Variants in CLMN observed in about 807,000 individuals in gnomAD.
The protein encoded by CLMN is calmin.
A neutral mutation model predicts 92.7 loss-of-function variants in CLMN; 57 were observed. The observed-to-expected ratio is 0.61, with a 90% CI of 0.50 to 0.77. The LOEUF is 0.77. Among genes scored for constraint, CLMN ranks in the 30% least tolerant of loss-of-function variants. CLMN has a pLI of 0.00. For missense variants in CLMN, 1,158 were observed against 1,237.5 expected, an observed-to-expected ratio of 0.94 and a Z score of 0.96; for synonymous variants, 466 against 470.6, an observed-to-expected ratio of 0.99 and a Z score of 0.13.
chr14:95,261,980 G>A (rs1296881848), intron 1 of CLMN, among the ~76,000 whole-genome samples: 1 of 152,234 alleles, frequency 6.6e-6, no homozygotes, highest in East Asian at 1.9e-4. Flanking sequence ...GCGGCAGCTT[G>A]GCTCTGGGCT....
intron 1 of CLMN, among the ~76,000 whole-genome samples, chr14:95,311,313 G>A (rs1901527474): frequency 6.6e-6 from 1 of 152,116 alleles, no homozygotes; most frequent in South Asian, 2.1e-4. Context: ...AAAGGAGAGG[G>A]TTATAAATAT....
intron 12 of CLMN, among the ~76,000 whole-genome samples, chr14:95,193,607 T>C (rs1217859845): frequency 1.3e-5 from 2 of 152,236 alleles, no homozygotes; most frequent in Non-Finnish European, 2.9e-5. Context: ...GACCCGTCTT[T>C]AAACTGACTC....
intron 1 of CLMN, among the ~76,000 whole-genome samples, chr14:95,239,338 G>A (rs1898166995): frequency 6.6e-6 from 1 of 152,144 alleles, no homozygotes; most frequent in African/African-American, 2.4e-5. Flanking sequence ...GAAGGAAGGA[G>A]ATGGGTAAGA....
chr14:95,220,469 G>A (rs190619879), intron 4 of CLMN, among the ~76,000 whole-genome samples: 8 of 152,252 alleles, frequency 5.3e-5, no homozygotes, highest in South Asian at 2.1e-4. Context: ...GAGCCACCGC[G>A]CCCAGCCATC....
chr14:95,291,400 G>C (rs1040596238), intron 1 of CLMN, among the ~76,000 whole-genome samples: 1 of 152,222 alleles, frequency 6.6e-6, no homozygotes, highest in Non-Finnish European at 1.5e-5. Flanking sequence ...ACCTGGGACC[G>C]CATGCTGCCT....
intron 4 of CLMN, among the ~76,000 whole-genome samples, chr14:95,220,622 T>C (rs183170380): frequency 1.2e-3 from 188 of 152,154 alleles, no homozygotes; most frequent in African/African-American, 4.5e-3. Flanking sequence ...TGCCTGGGAC[T>C]TTCTCCTAGA....
intron 1 of CLMN, among the ~76,000 whole-genome samples, chr14:95,297,332 T>C (rs538193763): frequency 6.6e-6 from 1 of 152,328 alleles, no homozygotes; most frequent in African/African-American, 2.4e-5. Context: ...GATTCCCAGC[T>C]CGCTAGTGGT....
chr14:95,306,356 CAA>C lies in CLMN; in HGVS notation c.82+13353_82+13354del, dbSNP rs567743643. On this transcript the variant is annotated intron_variant, in intron 1 of 12. Coordinates refer to ENST00000298912, the MANE Select transcript of CLMN (RefSeq NM_024734.4). ...GTGAAACCCCATCTCTCTGAAAACA[CAA>C]AAAAATTAGCTGGGCATGGTGGTGC... is the stretch of plus-strand genomic sequence containing the variant. Among the ~76,000 whole-genome samples the C allele has an allele frequency of 1.6e-3, 247 of 152,024 alleles. 2 individuals are homozygous for C. Among genetic ancestry groups the C allele is most frequent in the African/African-American group, 5.6e-3 (234 of 41,440 alleles).
chr14:95,197,875 C>A (rs146076672), intron 9 of CLMN, among the ~76,000 whole-genome samples: 3 of 152,052 alleles, frequency 2.0e-5, no homozygotes, highest in Non-Finnish European at 4.4e-5. Context: ...TGAAAAGCTG[C>A]GCTCAGCAAT....
At chr14:95,295,328 A>G (rs1368466976) in intron 1 of CLMN, among the ~76,000 whole-genome samples, 1 of 152,214 alleles carries the variant, frequency 6.6e-6, no homozygotes, top group Non-Finnish European at 1.5e-5. Context: ...AGGCAGAGCT[A>G]TCCTTCACTC....
intron 1 of CLMN, among the ~76,000 whole-genome samples, chr14:95,245,220 A>T (rs1391586875): frequency 3.3e-5 from 1 of 30,320 alleles, no homozygotes; most frequent in African/African-American, 2.1e-4. Context: ...ATATATATAT[A>T]TATATTATAT....
intron 1 of CLMN, among the ~76,000 whole-genome samples, chr14:95,264,838 C>A (rs1279137504): frequency 6.6e-6 from 1 of 150,904 alleles, no homozygotes; most frequent in Admixed American, 6.6e-5. Flanking sequence ...TTTGGGAGGG[C>A]AAGGCAGGAG....
rs1595573756 is a variant in CLMN, at chr14:95,212,357, G to A, written c.608+862C>T. 2.0e-5 allele frequency among the ~76,000 whole-genome samples: 3 copies of A among 152,338 alleles called. No individual in the cohort carries two copies. In the South Asian group the frequency reaches 6.2e-4, roughly 32 times the overall value. ...TGAGGAGCTGGGGCGGCCCCGAGTT[G>A]GTTTGGTTTCCACCACACTGGTCTG... On this transcript the variant is annotated intron_variant, in intron 6 of 12. Transcript: ENST00000298912.
At chr14:95,253,522 G>A (rs1898870360) in intron 1 of CLMN, among the ~76,000 whole-genome samples, 1 of 152,146 alleles carries the variant, frequency 6.6e-6, no homozygotes, top group African/African-American at 2.4e-5. Flanking sequence ...TGCAGGGAAT[G>A]CAGGGAGATG....
chr14:95,278,093 A>C (rs1900002242), intron 1 of CLMN, among the ~76,000 whole-genome samples: 1 of 152,038 alleles, frequency 6.6e-6, no homozygotes, highest in African/African-American at 2.4e-5. Context: ...CTACCTTTGG[A>C]GATTCTAAAT....
intron 1 of CLMN, among the ~76,000 whole-genome samples, chr14:95,303,832 G>C (rs1901161522): frequency 6.6e-6 from 1 of 152,238 alleles, no homozygotes; most frequent in Admixed American, 6.5e-5. Context: ...AGATTTCTCA[G>C]AGATGAGGAC....
chr14:95,213,370 A>G lies in CLMN; in HGVS notation c.457T>C (p.Ser153Pro), dbSNP rs1451173113. 1 of 1,612,560 alleles carries G rather than the reference A, an allele frequency of 6.2e-7. No individual in the cohort carries two copies. Among genetic ancestry groups the G allele is most frequent in the Non-Finnish European group, 8.5e-7 (1 of 1,179,498 alleles). Residue 153 changes from serine (S) to proline (P), a missense_variant, in exon 6 of 13, where the codon TCT becomes CCT. Physicochemically the swap from Ser to Pro is moderately conservative, Grantham distance 74 (BLOSUM62 -1). Coordinates refer to ENST00000298912, the MANE Select transcript of CLMN (RefSeq NM_024734.4). ...LTGNLSRNSP[S>P]SSLSPGSGGT... ...CCTGAGCCAGGGGACAAGCTGGAAGATGGAGAGTTTCTGCTGAGGTTGCCT... is the reference window on the plus strand; with the variant it reads ...CCTGAGCCAGGGGACAAGCTGGAAGGTGGAGAGTTTCTGCTGAGGTTGCCT...
At chr14:95,200,915 C>A (rs1896859459) in intron 9 of CLMN, among the ~76,000 whole-genome samples, 1 of 149,372 alleles carries the variant, frequency 6.7e-6, no homozygotes, top group Admixed American at 6.9e-5. Context: ...TAAGTGCATG[C>A]TAGATGTTAG....
chr14:95,195,161 C>T (rs1390241218), intron 10 of CLMN, among the ~76,000 whole-genome samples: 1 of 152,224 alleles, frequency 6.6e-6, no homozygotes, highest in Non-Finnish European at 1.5e-5. Context: ...GTCCCCAGGC[C>T]TAGCAGACTC....
Sources: allele counts gnomAD v4.1 joint callset (sites outside exome capture counted in the v4.1 genomes callset), GRCh38; gene constraint gnomAD v4.1.1; transcripts MANE v1.5; gene names NCBI Gene and HGNC (gene_info 2026-07-23, HGNC 2026-07-21).